Variants in AFF1 observed in about 807,000 individuals in gnomAD.
The protein encoded by AFF1 is AF4/FMR2 family member 1.
A neutral mutation model predicts 121.7 loss-of-function variants in AFF1; 48 were observed. The ratio of observed to expected loss-of-function variants is 0.39; its 90% CI spans 0.31 to 0.50. The LOEUF (loss-of-function observed/expected upper bound fraction) is 0.50. Among genes scored for constraint, AFF1 ranks in the 20% least tolerant of loss-of-function variants. AFF1 has a pLI of 0.76. For missense variants in AFF1, 1,523 were observed against 1,511.7 expected, an observed-to-expected ratio of 1.01 and a Z score of -0.12; for synonymous variants, 613 against 563.0, an observed-to-expected ratio of 1.09 and a Z score of -1.26.
At chr4:87,046,040 C>T in intron 2 of AFF1, 126 bp from the exon 3 acceptor site, 1 of 1,179,480 alleles carries the variant, frequency 8.5e-7, no homozygotes, top group South Asian at 1.5e-5. Context: ...TTCTTTAAAT[C>T]ACAGCCGTCA....
At chr4:87,044,275 C>CTT (rs1462484129) in intron 2 of AFF1, among the ~76,000 whole-genome samples, 4 of 152,056 alleles carry the variant, frequency 2.6e-5, no homozygotes, top group Non-Finnish European at 5.9e-5. Context: ...AGAGTTAAAT[C>CTT]TTTTTTAAAT....
intron 2 of AFF1, among the ~76,000 whole-genome samples, chr4:87,033,322 G>A (rs1263935726): frequency 2.6e-5 from 4 of 152,190 alleles, no homozygotes; most frequent in African/African-American, 9.7e-5. Context: ...TAAATGCTGA[G>A]CATTTGTTCT....
Position 87,138,104 on chromosome 4 carries a change from A to G in AFF1, c.*2403A>G, listed in dbSNP as rs534296761. ...AAAAGTAACAAATGTGCATAGATCA[A>G]TTTGTACTACTTTGGTCATTGGATA... On this transcript the variant is annotated 3_prime_UTR_variant, in exon 21 of 21. Transcript: ENST00000395146. The G allele has an allele frequency of 6.9e-5, 16 of 231,964 alleles. No individual in the cohort carries two copies. The highest frequency in any genetic ancestry group is 1.1e-4 in the Admixed American group (2 of 17,750). The allele number at this position is 231,964 out of a possible 1,614,324, so 14.4% of individuals were successfully genotyped here. A position where few individuals can be genotyped will look rare whatever the true frequency, so the allele number is the denominator to read the frequency against.
At position 87,131,862 on chromosome 4, in the gene AFF1, A is replaced by G. The variant is rs778567704; in HGVS notation, c.3171A>G (p.Leu1057=). 3.8e-6 allele frequency: 6 copies of G among 1,583,132 alleles called. No homozygotes were observed. The highest frequency in any genetic ancestry group is 2.4e-5 in the South Asian group (2 of 85,004). The change falls in exon 18 of 21, where the codon TTA becomes TTG. Residue 1057 remains leucine, a splice_region_variant and synonymous_variant. Transcript: ENST00000395146. ...APTQEKIFAV[L]CMRCQSILNM... ...CACAAGAGAAAATATTTGCTGTTTT[A>G]TGGTGCGTATTTTCCTTTGTCTAAA...
chr4:86,992,022 G>A lies in AFF1; in HGVS notation c.38+43451G>A, dbSNP rs72877906. On this transcript the variant is annotated intron_variant, in intron 2 of 20. Coordinates refer to ENST00000395146, the MANE Select transcript of AFF1 (RefSeq NM_001166693.3). ...TGAGCTTGAAAGTAACATCAAATTT[G>A]GGAGTGCTGTGCTGAAACATATCTA... Among the ~76,000 whole-genome samples the A allele has an allele frequency of 1.3e-3, 195 of 152,100 alleles. 1 individual carries two copies. Among genetic ancestry groups the A allele is most frequent in the African/African-American group, 4.5e-3 (185 of 41,476 alleles).
intron 2 of AFF1, among the ~76,000 whole-genome samples, chr4:86,989,135 T>A (rs968134267): frequency 6.6e-6 from 1 of 152,070 alleles, no homozygotes. Context: ...GGGCAAAGAC[T>A]TCATGACTAA....
At chr4:87,125,571 G>C (rs1031035025) in intron 13 of AFF1, among the ~76,000 whole-genome samples, 6 of 152,212 alleles carry the variant, frequency 3.9e-5, no homozygotes, top group Non-Finnish European at 7.3e-5. Flanking sequence ...AGAGATGACT[G>C]AGAATCTGTC....
intron 2 of AFF1, among the ~76,000 whole-genome samples, chr4:87,040,348 A>C (rs1175088995): frequency 6.6e-6 from 1 of 152,166 alleles, no homozygotes; most frequent in Non-Finnish European, 1.5e-5. Context: ...GCTGGCGGAG[A>C]TGATACTAAA....
intron 1 of AFF1, 95 bp from the exon 2 acceptor site, chr4:86,948,401 GGA>G: frequency 4.1e-6 from 3 of 735,656 alleles, no homozygotes; most frequent in Non-Finnish European, 6.3e-6. Flanking sequence ...ATGAGAACTT[GGA>G]ATTCTGTCTC....
Position 87,051,784 on chromosome 4 carries a change from A to G in AFF1, c.1059+4190A>G, listed in dbSNP as rs142743014. On this transcript the variant is annotated intron_variant, in intron 4 of 20. Coordinates refer to ENST00000395146, the MANE Select transcript of AFF1 (RefSeq NM_001166693.3). ...TGCCCAGCCCAACAAACTGATATTAACCCTCCACTGTGTTCCATGCACTGT... is the reference window on the plus strand; with the variant it reads ...TGCCCAGCCCAACAAACTGATATTAGCCCTCCACTGTGTTCCATGCACTGT... 1.0e-3 allele frequency among the ~76,000 whole-genome samples: 155 copies of G among 151,942 alleles called. 3 individuals are homozygous for G. Among genetic ancestry groups the G allele is most frequent in the Admixed American group, 8.8e-3 (135 of 15,256 alleles).
intron 2 of AFF1, among the ~76,000 whole-genome samples, chr4:87,045,210 A>G (rs1021715300): frequency 7.9e-5 from 12 of 152,230 alleles, no homozygotes; most frequent in African/African-American, 1.9e-4. Context: ...TAGACAATCA[A>G]ATATTTTCCT....
At chr4:86,983,218 C>T (rs1443898949) in intron 2 of AFF1, among the ~76,000 whole-genome samples, 1 of 151,938 alleles carries the variant, frequency 6.6e-6, no homozygotes. Flanking sequence ...TGATGAAACC[C>T]TCTCTCTACT....
intron 8 of AFF1, among the ~76,000 whole-genome samples, chr4:87,100,270 C>T (rs1725293802): frequency 6.6e-6 from 1 of 152,146 alleles, no homozygotes; most frequent in Non-Finnish European, 1.5e-5. Context: ...GTGTGGTCCA[C>T]TTTCACAAGC....
At chr4:87,037,959 G>T (rs1442954316) in intron 2 of AFF1, among the ~76,000 whole-genome samples, 1 of 150,712 alleles carries the variant, frequency 6.6e-6, no homozygotes, top group Admixed American at 6.7e-5. Flanking sequence ...GCAAAATGGG[G>T]TCACATAAAA....
At chr4:87,043,994 T>C (rs1010403646) in intron 2 of AFF1, among the ~76,000 whole-genome samples, 1 of 152,150 alleles carries the variant, frequency 6.6e-6, no homozygotes, top group African/African-American at 2.4e-5. Context: ...AATTTTTGTA[T>C]TTTTAGTAGA....
At chr4:87,084,042 A>G (rs1438140800) in intron 4 of AFF1, 78 bp from the exon 5 acceptor site, 13 of 1,326,812 alleles carry the variant, frequency 9.8e-6, no homozygotes, top group Non-Finnish European at 1.4e-5. Context: ...GTATTGCTGC[A>G]TTAATACAGT....
intron 2 of AFF1, among the ~76,000 whole-genome samples, chr4:87,028,721 A>G (rs1357798593): frequency 1.3e-5 from 2 of 152,212 alleles, no homozygotes; most frequent in Non-Finnish European, 2.9e-5. Context: ...GTGGAGACTC[A>G]TGTCCATTTA....
chr4:87,118,822 AAAC>A (rs1727374952), intron 12 of AFF1, among the ~76,000 whole-genome samples: 2 of 152,318 alleles, frequency 1.3e-5, no homozygotes, highest in Admixed American at 6.5e-5. Flanking sequence ...AATGCACAAA[AAAC>A]CAAGGCAGTG....
At chr4:86,997,153 C>A (rs7680465) in intron 2 of AFF1, among the ~76,000 whole-genome samples, 5,924 of 152,248 alleles carry the variant, frequency 0.039, 198 homozygotes, top group African/African-American at 0.093. Flanking sequence ...GTCAGGTGAT[C>A]CGCCCGCCTT....
Sources: allele counts gnomAD v4.1 joint callset (sites outside exome capture counted in the v4.1 genomes callset), GRCh38; gene constraint gnomAD v4.1.1; transcripts MANE v1.5; gene names NCBI Gene and HGNC (gene_info 2026-07-23, HGNC 2026-07-21).